PYGM: variants seen among roughly 807,000 people sequenced by gnomAD.
PYGM encodes the protein glycogen phosphorylase, muscle form.
A neutral mutation model predicts 99.3 loss-of-function variants in PYGM; 81 were observed. That is an observed-to-expected ratio of 0.82 (90% CI 0.68 to 0.98). The LOEUF (loss-of-function observed/expected upper bound fraction) is 0.98. Ranked by LOEUF, PYGM falls within the 50% of genes least tolerant of loss-of-function variation. The pLI, the probability that PYGM is intolerant of heterozygous loss-of-function variation, is 0.00. For synonymous variants in PYGM, 436 were observed against 451.5 expected (o/e 0.97, Z 0.44); for missense variants, 1,030 against 1,158.1 (o/e 0.89, Z 1.61).
At position 64,755,263 on chromosome 11, in the gene PYGM, G is replaced by A. The variant is rs780270624; in HGVS notation, c.855+10C>T. ...CAGGCTTCCAGCCCCCAGCCCAGGG[G>A]GTGACGCACATTATCATTGGGGTAC... On this transcript the variant is annotated intron_variant, in intron 7 of 19. Coordinates refer to ENST00000164139, the MANE Select transcript of PYGM (RefSeq NM_005609.4). This position sits in a 1 kb window ranked among gnomAD's most constrained non-coding sequence, Gnocchi z 4.1. The A allele has an allele frequency of 6.2e-7, 1 of 1,612,990 alleles. No individual in the cohort carries two copies. The highest frequency in any genetic ancestry group is 1.3e-5 in the African/African-American group (1 of 74,884).
In PYGM at chr11:64,747,205, C is replaced by T. The variant is rs756015534; in HGVS notation, c.2312+19G>A. 1.4e-5 allele frequency: 22 copies of T among 1,613,526 alleles called. No individual in the cohort carries two copies. In the Admixed American group the frequency reaches 3.2e-4, roughly 23 times the overall value. ...GCCCTGCGGCCCCACCTGAGTGATT[C>T]CCGGGCCAACCAGCTCACCGGTCAT... On this transcript the variant is annotated intron_variant, in intron 18 of 19. Coordinates refer to ENST00000164139, the MANE Select transcript of PYGM (RefSeq NM_005609.4).
chr11:64,756,082 C>T (rs567299725), intron 5 of PYGM, among the ~76,000 whole-genome samples: 5 of 152,376 alleles, frequency 3.3e-5, no homozygotes, highest in South Asian at 4.1e-4. Flanking sequence ...TCTGCTACCA[C>T]GGTGCCAGGG....
chr11:64,753,050 C>G, intron 12 of PYGM, 23 bp downstream of exon 12: 1 of 1,559,882 alleles, frequency 6.4e-7, no homozygotes, highest in East Asian at 2.2e-5. Context: ...GTTGACTCTA[C>G]TGGCCCTACG....
In PYGM at chr11:64,752,783, C is replaced by G. The variant is rs7126110; in HGVS notation, c.1519-279G>C. Among the ~76,000 whole-genome samples the G allele has an allele frequency of 0.11, 16,423 of 152,292 alleles. 1,200 individuals carry two copies. Among genetic ancestry groups the G allele is most frequent in the Middle Eastern group, 0.17 (49 of 294 alleles). On this transcript the variant is annotated intron_variant, in intron 12 of 19. Coordinates refer to ENST00000164139, the MANE Select transcript of PYGM (RefSeq NM_005609.4). The stretch of plus-strand genomic sequence containing the variant: ...AACGCCAGCATGACCTTGCGCCTTC[C>G]CTACCAGATATCTGCCCCCTTCCAG...
chr11:64,748,476 A>G (rs1256180679), intron 17 of PYGM: 1 of 152,220 alleles, frequency 6.6e-6, no homozygotes, highest in Admixed American at 6.5e-5. Flanking sequence ...TCTGGAAAGC[A>G]GTTTGGCAAT....
rs1327930001 is a variant in PYGM at position 64,755,526 on chromosome 11, C to T, written c.693G>A (p.Val231=). 3 of 1,614,108 alleles carry T rather than the reference C, an allele frequency of 1.9e-6. No homozygotes were observed. The highest frequency in any genetic ancestry group is 2.7e-5 in the African/African-American group (2 of 75,046). The change falls in exon 6 of 20, where the codon GTG becomes GTA. Residue 231 remains valine, a synonymous_variant. Coordinates refer to ENST00000164139, the MANE Select transcript of PYGM (RefSeq NM_005609.4). This position sits in a 1 kb window ranked among gnomAD's most constrained non-coding sequence, Gnocchi z 4.1. ...TGACAACATTGTTGCGATAGCCAGG[C>T]ACGGGCGTATCGTAGGGCATGGCCA... ...VVLAMPYDTP[V]PGYRNNVVNT... is the part of the protein sequence containing the mutation.
At position 64,752,019 on chromosome 11, in the gene PYGM, A is replaced by T. The variant is rs1308614484; in HGVS notation, c.1673T>A (p.Ile558Asn). Residue 558 changes from isoleucine to asparagine, a missense_variant, in exon 14 of 20, where the codon ATC becomes AAC. Physicochemically the swap from Ile to Asn is moderately radical, Grantham distance 149. Coordinates refer to ENST00000164139, the MANE Select transcript of PYGM (RefSeq NM_005609.4). ...GATGTCGAAGAGTGAGTTGGGGTTG[A>T]TGTGGACTTTGTATTCCCTCTCTAG... ...AYLEREYKVH[I>N]NPNSLFDIQV... 1.9e-6 allele frequency: 3 copies of T among 1,613,854 alleles called. No homozygotes were observed. Among genetic ancestry groups the T allele is most frequent in the Admixed American group, 3.3e-5 (2 of 60,002 alleles).
At chr11:64,747,653 AGTTT>A (rs766965477) in intron 17 of PYGM, 32 of 428,694 alleles carry the variant, frequency 7.5e-5, no homozygotes, top group Non-Finnish European at 1.3e-4. Context: ...TCTCTTAACC[AGTTT>A]GTTTGCTCCA....
chr11:64,753,742 GCCCCACACCCCCAGAGCTCTGCCCAGTGC>G, intron 10 of PYGM, 60 bp from the exon 11 acceptor site: 11 of 1,433,038 alleles, frequency 7.7e-6, no homozygotes, highest in Non-Finnish European at 7.6e-6. Context: ...CCAGTCCCCA[GCCCCACACCCCCAGAGCTCTGCCCAGTGC>G]CCCCACTGCC....
Position 64,754,471 on chromosome 11 carries a change from AGGCCG to A in PYGM, c.1000-131_1000-127del. 2 of 647,808 alleles carry A rather than the reference AGGCCG, an allele frequency of 3.1e-6. No homozygotes were observed. The highest frequency in any genetic ancestry group is 4.5e-6 in the Non-Finnish European group (2 of 442,092). The allele number at this position is 647,808 out of a possible 1,614,324, so 40.1% of individuals were successfully genotyped here. ...CTGTGACTGGGCTGTGGGCAGAGGC[AGGCCG>A]GTGCTCATGGGGGTGGGAGGAATGG... On this transcript the variant is annotated intron_variant, in intron 8 of 19. Transcript: ENST00000164139. This position sits in a 1 kb window ranked among gnomAD's most constrained non-coding sequence, Gnocchi z 5.5.
At position 64,754,579 on chromosome 11, in the gene PYGM, A is replaced by G; in HGVS notation, c.999+114T>C. ...TGAATCCTGAACAACTGACCCTCCCACACTCCCAGTCTCCACTCCCTTATC... is the reference window on the plus strand; with the variant it reads ...TGAATCCTGAACAACTGACCCTCCCGCACTCCCAGTCTCCACTCCCTTATC... On this transcript the variant is annotated intron_variant, in intron 8 of 19. Coordinates refer to ENST00000164139, the MANE Select transcript of PYGM (RefSeq NM_005609.4). This position sits in a 1 kb window ranked among gnomAD's most constrained non-coding sequence, Gnocchi z 5.5. 6.9e-7 allele frequency: 1 copy of G among 1,443,024 alleles called. No homozygotes were observed. Among genetic ancestry groups the G allele is most frequent in the South Asian group, 1.2e-5 (1 of 81,666 alleles). 89.4% of individuals were successfully genotyped at this position (1,443,024 alleles called of 1,614,324 possible).
upstream of PYGM, chr11:64,760,132 G>A (rs886048466): frequency 4.5e-5 from 27 of 605,424 alleles, no homozygotes; most frequent in Non-Finnish European, 6.2e-5. Flanking sequence ...CACTTGGGCC[G>A]CCAAGACTGG....
At position 64,757,744 on chromosome 11, in the gene PYGM, C is replaced by T. The variant is rs589691; in HGVS notation, c.660+35G>A. 0.85 allele frequency: 1,369,127 copies of T among 1,613,552 alleles called. 597,641 individuals carry two copies. Among genetic ancestry groups the T allele is most frequent in the Non-Finnish European group, 0.9 (1,067,203 of 1,179,768 alleles). On this transcript the variant is annotated intron_variant, in intron 5 of 19. Coordinates refer to ENST00000164139, the MANE Select transcript of PYGM (RefSeq NM_005609.4). ...GGGCTTCCTTCTCTTCCCTCCCCTT[C>T]TCTGGGCTCCCCTGACCCCCAGCTT...
Position 64,755,178 on chromosome 11 carries a change from T to C in PYGM, c.855+95A>G. 2 of 1,354,074 alleles carry C rather than the reference T, an allele frequency of 1.5e-6. No individual in the cohort carries two copies. The highest frequency in any genetic ancestry group is 2.1e-6 in the Non-Finnish European group (2 of 949,466). The allele number at this position is 1,354,074 out of a possible 1,614,324, so 83.9% of individuals were successfully genotyped here. ...CAAGGCCAGCAATATGCCCTGGGTG[T>C]GACTAGGGCACCAGCAAGTGTCCTT... On this transcript the variant is annotated intron_variant, in intron 7 of 19. Transcript: ENST00000164139. The surrounding 1 kb of genome is among the most constrained non-coding windows in gnomAD (Gnocchi z 4.1).
At chr11:64,757,965 C>A in intron 4 of PYGM, 55 bp from the exon 5 acceptor site, 1 of 1,609,796 alleles carries the variant, frequency 6.2e-7, no homozygotes, top group Non-Finnish European at 8.5e-7. Flanking sequence ...CAGGCACTCA[C>A]AGTGCACGGT....
intron 17 of PYGM, among the ~76,000 whole-genome samples, chr11:64,749,756 A>G (rs1050123893): frequency 3.3e-5 from 5 of 151,786 alleles, no homozygotes; most frequent in Non-Finnish European, 7.4e-5. Context: ...TACTGTGCCC[A>G]TATTTCCCTT....
intron 14 of PYGM, 22 bp downstream of exon 14, chr11:64,751,902 G>A (rs752859796): frequency 2.5e-6 from 4 of 1,613,960 alleles, no homozygotes; most frequent in Admixed American, 3.3e-5. Context: ...CTGAGAGACA[G>A]GGTAGAGTGG....
chr11:64,754,268 C>T lies in PYGM; in HGVS notation c.1077G>A (p.Arg359=). The T allele has an allele frequency of 6.2e-7, 1 of 1,613,368 alleles. No homozygotes were observed. Among genetic ancestry groups the T allele is most frequent in the Non-Finnish European group, 8.5e-7 (1 of 1,179,590 alleles). ...ELMRILVDLE[R]MDWDKAWDVT... ...TGAAGCCCACCTTGTCCCAGTCCAT[C>T]CGTTCCAGGTCCACCAGGATCCTCA... Residue 359 remains arginine (R), a synonymous_variant, in exon 9 of 20, where the codon CGG becomes CGA. Coordinates refer to ENST00000164139, the MANE Select transcript of PYGM (RefSeq NM_005609.4). The surrounding 1 kb of genome is among the most constrained non-coding windows in gnomAD (Gnocchi z 5.5).
Position 64,746,708 on chromosome 11 carries a change from C to T in PYGM, c.2480G>A (p.Gly827Asp), listed in dbSNP as rs969424691. 1 of 1,614,172 alleles carries T rather than the reference C, an allele frequency of 6.2e-7. No homozygotes were observed. Among genetic ancestry groups the T allele is most frequent in the Non-Finnish European group, 8.5e-7 (1 of 1,180,026 alleles). ...TIAQYAREIW[G>D]VEPSRQRLPA... ...CAGGCGCTGGCGGGAAGGCTCCACA[C>T]CCCAGATCTCCCGGGCATACTGGGC... Residue 827 changes from glycine to aspartate, a missense_variant, in exon 20 of 20, where the codon GGT (glycine) becomes GAT (aspartate). Transcript: ENST00000164139.
Sources: allele counts gnomAD v4.1 joint callset (sites outside exome capture counted in the v4.1 genomes callset), GRCh38; gene constraint gnomAD v4.1.1; non-coding constraint Gnocchi (gnomAD v3.1); transcripts MANE v1.5; gene names NCBI Gene and HGNC (gene_info 2026-07-23, HGNC 2026-07-21).